Variants in EPHX4 observed in about 807,000 individuals in gnomAD.
The protein encoded by EPHX4 is epoxide hydrolase 4, also known as abhydrolase domain containing 7.
Under a neutral mutation model 44.9 loss-of-function variants are expected in EPHX4, and 31 were observed. The ratio of observed to expected loss-of-function variants is 0.69; its 90% confidence interval spans 0.52 to 0.93. The LOEUF (loss-of-function observed/expected upper bound fraction) is 0.93. Among genes scored for constraint, EPHX4 ranks in the 40% least tolerant of loss-of-function variants. The pLI, the probability that EPHX4 is intolerant of heterozygous loss-of-function variation, is 0.00. For synonymous variants in EPHX4, 151 were observed against 159.7 expected (o/e 0.95, Z 0.41); for missense variants, 373 against 438.1 (o/e 0.85, Z 1.33).
At chr1:92,051,287 AAT>A (rs1315374734) in intron 5 of EPHX4, among the ~76,000 whole-genome samples, 8 of 152,014 alleles carry the variant, frequency 5.3e-5, no homozygotes, top group African/African-American at 9.7e-5. Flanking sequence ...AACCTAACAG[AAT>A]AAATGACAAC....
intron 5 of EPHX4, among the ~76,000 whole-genome samples, chr1:92,050,646 C>T (rs576772294): frequency 6.6e-6 from 1 of 151,934 alleles, no homozygotes; most frequent in South Asian, 2.1e-4. Context: ...TATGGGCATA[C>T]CCCTTCTTAG....
chr1:92,055,771 A>G (rs1015749139), intron 6 of EPHX4, among the ~76,000 whole-genome samples: 1 of 152,198 alleles, frequency 6.6e-6, no homozygotes, highest in African/African-American at 2.4e-5. Flanking sequence ...AAGATTTAAA[A>G]TCTTAATTTT....
chr1:92,045,027 A>T (rs547855266), intron 3 of EPHX4, among the ~76,000 whole-genome samples: 1 of 152,068 alleles, frequency 6.6e-6, no homozygotes, highest in Non-Finnish European at 1.5e-5. Flanking sequence ...CAGTGGCATG[A>T]TCATGGCTCA....
At chr1:92,055,141 C>T (rs1209618511) in intron 6 of EPHX4, among the ~76,000 whole-genome samples, 1 of 151,916 alleles carries the variant, frequency 6.6e-6, no homozygotes, top group Non-Finnish European at 1.5e-5. Flanking sequence ...GAAAAAGAAG[C>T]AAAGCAGGGT....
intron 2 of EPHX4, among the ~76,000 whole-genome samples, chr1:92,038,544 T>G (rs553453050): frequency 6.6e-6 from 1 of 152,228 alleles, no homozygotes; most frequent in Non-Finnish European, 1.5e-5. Flanking sequence ...AACGATCTCG[T>G]GGAAGAGCCA....
intron 2 of EPHX4, among the ~76,000 whole-genome samples, chr1:92,035,839 T>TA (rs1229190664): frequency 6.6e-6 from 1 of 152,182 alleles, no homozygotes; most frequent in Non-Finnish European, 1.5e-5. Flanking sequence ...GACTTATATA[T>TA]ACCATCTCAT....
intron 4 of EPHX4, among the ~76,000 whole-genome samples, chr1:92,046,881 T>C (rs1181321324): frequency 2.0e-5 from 3 of 152,214 alleles, no homozygotes; most frequent in African/African-American, 7.2e-5. Flanking sequence ...TATCCATGCC[T>C]GGTTTTGTAT....
intron 3 of EPHX4, among the ~76,000 whole-genome samples, chr1:92,044,195 A>G (rs150486590): frequency 8.4e-4 from 128 of 152,308 alleles, no homozygotes; most frequent in Non-Finnish European, 1.6e-3. Context: ...GATCAGGCCA[A>G]TATTTTTAGG....
chr1:92,059,482 CTATAT>C (rs1489596597), intron 6 of EPHX4, among the ~76,000 whole-genome samples: 3 of 151,822 alleles, frequency 2.0e-5, no homozygotes, highest in Non-Finnish European at 2.9e-5. Flanking sequence ...CTATTCACCA[CTATAT>C]TATGTCTTAG....
At chr1:92,030,457 C>CGTGTGGGT in intron 1 of EPHX4, 147 bp downstream of exon 1, 1 of 157,552 alleles carries the variant, frequency 6.3e-6, no homozygotes, top group Non-Finnish European at 1.2e-5. Context: ...CCCTGTGTGT[C>CGTGTGGGT]GTGTGTGTGT....
rs1409763979 is a variant in EPHX4 at position 92,050,438 on chromosome 1, A to G, written c.708+18A>G. 2 of 1,297,702 alleles carry G rather than the reference A, an allele frequency of 1.5e-6. No homozygotes were observed. The highest frequency in any genetic ancestry group is 1.5e-5 in the African/African-American group (1 of 67,432). 80.4% of individuals were successfully genotyped at this position (1,297,702 alleles called of 1,614,324 possible). Reference sequence around the variant, plus strand: ...ATTTCAAGGTAAGCCAAACAAATCAAACAAATAATGTATTATTATTATTAT... The same window carrying G: ...ATTTCAAGGTAAGCCAAACAAATCAGACAAATAATGTATTATTATTATTAT... On this transcript the variant is annotated intron_variant, in intron 5 of 6. Coordinates refer to ENST00000370383, the MANE Select transcript of EPHX4 (RefSeq NM_173567.5).
chr1:92,063,104 T>TG lies in EPHX4; in HGVS notation c.911dup (p.Glu305ArgfsTer3). The TG allele has an allele frequency of 6.2e-7, 1 of 1,614,102 alleles. No homozygotes were observed. On this transcript the variant is annotated frameshift_variant, in exon 7 of 7. Coordinates refer to ENST00000370383, the MANE Select transcript of EPHX4 (RefSeq NM_173567.5). LOFTEE classifies it high-confidence loss of function. ...GGTGACCACTCCAACACTACTACTG[T>TG]GGGGAGAGAATGACGCATTCATGGA...
At chr1:92,043,061 G>GT in intron 3 of EPHX4, 81 bp downstream of exon 3, 1 of 1,194,174 alleles carries the variant, frequency 8.4e-7, no homozygotes, top group Non-Finnish European at 1.2e-6. Flanking sequence ...CTTTTCTTGG[G>GT]AGGATGCATA....
Position 92,052,581 on chromosome 1 carries a change from T to A in EPHX4, c.780T>A (p.Asp260Glu), listed in dbSNP as rs763426071. 5.6e-6 allele frequency: 9 copies of A among 1,613,026 alleles called. No homozygotes were observed. Among genetic ancestry groups the A allele is most frequent in the Non-Finnish European group, 7.6e-6 (9 of 1,179,546 alleles). ...GRKGCQLTTE[D>E]LEAYIYVFSQ... The stretch of plus-strand genomic sequence containing the variant: ...AAGGATGCCAATTAACAACAGAGGA[T>A]CTTGAAGCTTATATTTATGTCTTTT... Residue 260 changes from aspartate to glutamate, a missense_variant, in exon 6 of 7, where the codon GAT becomes GAA. Coordinates refer to ENST00000370383, the MANE Select transcript of EPHX4 (RefSeq NM_173567.5).
intron 3 of EPHX4, chr1:92,043,208 G>T: frequency 2.7e-6 from 1 of 372,494 alleles, no homozygotes; most frequent in Admixed American, 4.4e-5. Context: ...TTTCAGATTT[G>T]TTTTTAAACA....
At chr1:92,048,207 T>C (rs933058230) in intron 4 of EPHX4, among the ~76,000 whole-genome samples, 3 of 152,224 alleles carry the variant, frequency 2.0e-5, no homozygotes, top group African/African-American at 7.2e-5. Flanking sequence ...AACTGACCTA[T>C]CACTTGGTAT....
intron 6 of EPHX4, among the ~76,000 whole-genome samples, chr1:92,058,210 G>A (rs1446333595): frequency 6.6e-6 from 1 of 152,126 alleles, no homozygotes; most frequent in Non-Finnish European, 1.5e-5. Context: ...GGAAGGCCGA[G>A]GTGGGTGGAT....
intron 4 of EPHX4, among the ~76,000 whole-genome samples, chr1:92,047,925 A>AAGGCAACT (rs1025022871): frequency 6.6e-6 from 1 of 152,186 alleles, no homozygotes; most frequent in South Asian, 2.1e-4. Flanking sequence ...ACTCTTAAAA[A>AAGGCAACT]CTTAATAGTG....
At chr1:92,035,284 A>T (rs1255086010) in intron 2 of EPHX4, among the ~76,000 whole-genome samples, 1 of 152,202 alleles carries the variant, frequency 6.6e-6, no homozygotes, top group Non-Finnish European at 1.5e-5. Flanking sequence ...AGTGCGTGGC[A>T]TAATTAGTTC....
Sources: allele counts gnomAD v4.1 joint callset (sites outside exome capture counted in the v4.1 genomes callset), GRCh38; gene constraint gnomAD v4.1.1; transcripts MANE v1.5; gene names NCBI Gene and HGNC (gene_info 2026-07-23, HGNC 2026-07-21).